The following USP31 variants were observed in gnomAD, a reference collection of about 807,000 sequenced individuals.
USP31 encodes ubiquitin carboxyl-terminal hydrolase 31.
Under a neutral mutation model 119.4 loss-of-function variants are expected in USP31, and 44 were observed. That is an observed-to-expected ratio of 0.37 (90% confidence interval 0.29 to 0.47). The LOEUF (loss-of-function observed/expected upper bound fraction) is 0.47, where lower values mean the gene tolerates loss of function less well. Ranked by LOEUF, USP31 falls within the 20% of genes least tolerant of loss-of-function variation. The pLI, the probability that USP31 is intolerant of heterozygous loss-of-function variation, is 0.99. For synonymous variants in USP31, 749 were observed against 705.6 expected (o/e 1.06, Z -0.97); for missense variants, 1,643 against 1,730.2 (o/e 0.95, Z 0.89).
Position 23,121,787 on chromosome 16 carries a change from A to AC in USP31, c.634-13605_634-13604insG, listed in dbSNP as rs1213145233. Among the ~76,000 whole-genome samples, 9 of 152,308 alleles carry AC rather than the reference A, an allele frequency of 5.9e-5. No individual in the cohort carries two copies. The South Asian group carries it at 1.2e-3, about 21-fold the overall frequency. On this transcript the variant is annotated intron_variant, in intron 1 of 15. Coordinates refer to ENST00000219689, the MANE Select transcript of USP31 (RefSeq NM_020718.4). ...CATTCTTAACAATGCTAGTGGTAAA[A>AC]TCCTTCTGTAAATAAGGTAATAATA...
intron 6 of USP31, among the ~76,000 whole-genome samples, chr16:23,100,115 G>C (rs1225375028): frequency 1.6e-4 from 25 of 152,152 alleles, no homozygotes; most frequent in Admixed American, 1.5e-3. Context: ...GGAAAAGTCT[G>C]TAAGTACCCC....
In USP31 at chr16:23,061,741, A is replaced by C. The variant is rs1899839500; in HGVS notation, c.*6305T>G. ...ACACAGAAATCACTATCCACGGTGC[A>C]TGAGTAATACCAAAGCACTTTGTGT... On this transcript the variant is annotated 3_prime_UTR_variant, in exon 16 of 16. Transcript: ENST00000219689. The C allele has an allele frequency of 6.6e-6, 1 of 152,538 alleles. No individual in the cohort carries two copies. Among genetic ancestry groups the C allele is most frequent in the African/African-American group, 2.4e-5 (1 of 41,468 alleles). The allele number at this position is 152,538 out of a possible 1,614,324, so 9.4% of individuals were successfully genotyped here.
intron 2 of USP31, among the ~76,000 whole-genome samples, chr16:23,107,099 C>A (rs1449831220): frequency 6.7e-6 from 1 of 149,650 alleles, no homozygotes; most frequent in Admixed American, 6.7e-5. Flanking sequence ...GCAACAAGAG[C>A]GAAAGTCCGT....
chr16:23,087,060 T>C, intron 9 of USP31, 32 bp downstream of exon 9: 2 of 1,536,448 alleles, frequency 1.3e-6, no homozygotes, highest in Non-Finnish European at 1.8e-6. Flanking sequence ...TGTGAGATTC[T>C]AAAAGGTAAT....
intron 15 of USP31, 53 bp from the exon 16 acceptor site, chr16:23,069,669 C>A: frequency 6.5e-7 from 1 of 1,542,788 alleles, no homozygotes; most frequent in Non-Finnish European, 8.8e-7. Context: ...GACATTCTAA[C>A]AACACTGTAA....
rs1480659284 is a variant in USP31, at chr16:23,068,154, G to A, written c.3951C>T (p.Asp1317=). The change falls in exon 16 of 16, where the codon GAC becomes GAT. Residue 1317 remains aspartate (D), a synonymous_variant. Transcript: ENST00000219689. ...CACCCGGAGACGAGGGAACTCCAGA[G>A]TCTAGTTGGGAAGACTTGGATTTGC... ...SARKSKSSQL[D]SGVPSSPGGR... 16 of 1,614,086 alleles carry A rather than the reference G, an allele frequency of 9.9e-6. No individual in the cohort carries two copies. In the African/African-American group the frequency reaches 1.7e-4, roughly 18 times the overall value.
chr16:23,106,170 C>T (rs1162985621), intron 4 of USP31, 43 bp downstream of exon 4: 1 of 1,609,308 alleles, frequency 6.2e-7, no homozygotes, highest in Admixed American at 1.7e-5. Flanking sequence ...CAAAGGGATA[C>T]CATAAGAAAA....
chr16:23,098,260 T>C (rs1346764834), intron 6 of USP31, among the ~76,000 whole-genome samples: 4 of 152,078 alleles, frequency 2.6e-5, no homozygotes, highest in African/African-American at 9.7e-5. Context: ...GGAATCCAAC[T>C]TACAAGGGAT....
At position 23,068,710 on chromosome 16, in the gene USP31, T is replaced by C; in HGVS notation, c.3395A>G (p.Lys1132Arg). Reference protein sequence around the residue: ...TYTASSTSAKKASGPATRSPF... With the variant: ...TYTASSTSAKRASGPATRSPF... ...GCTCCTTGTGGCAGGGCCCGAGGCC[T>C]TTTTGGCAGATGTGGAGGAAGCAGT... Residue 1132 changes from lysine (K) to arginine (R), a missense_variant, in exon 16 of 16, where the codon AAG becomes AGG. Physicochemically the swap from Lys to Arg is conservative, Grantham distance 26. This residue lies in a region of USP31 where 699 missense variants were observed against 650.9 expected (regional missense o/e 1.07). Transcript: ENST00000219689. 6.2e-7 allele frequency: 1 copy of C among 1,612,464 alleles called. No individual in the cohort carries two copies. The highest frequency in any genetic ancestry group is 8.5e-7 in the Non-Finnish European group (1 of 1,179,322).
At chr16:23,123,950 G>A (rs909931262) in intron 1 of USP31, among the ~76,000 whole-genome samples, 2 of 151,810 alleles carry the variant, frequency 1.3e-5, no homozygotes, top group African/African-American at 4.8e-5. Context: ...AGTGAGCCAT[G>A]ATCACACCAC....
chr16:23,107,063 G>T (rs1262285434), intron 2 of USP31, among the ~76,000 whole-genome samples: 1 of 151,138 alleles, frequency 6.6e-6, no homozygotes, highest in Admixed American at 6.6e-5. Flanking sequence ...GGTGAGCCGA[G>T]ACTGTGCCAC....
intron 8 of USP31, 76 bp downstream of exon 8, chr16:23,087,648 C>A: frequency 1.5e-6 from 2 of 1,363,840 alleles, no homozygotes; most frequent in South Asian, 1.3e-5. Context: ...ACAAGAAACT[C>A]AAATTTCATT....
At chr16:23,093,938 A>G (rs1284226862) in intron 6 of USP31, among the ~76,000 whole-genome samples, 4 of 152,236 alleles carry the variant, frequency 2.6e-5, no homozygotes, top group Admixed American at 6.5e-5. Context: ...TCGATGCAGA[A>G]GATGGGTGAT....
intron 1 of USP31, among the ~76,000 whole-genome samples, chr16:23,143,002 G>C (rs1903396187): frequency 6.6e-6 from 1 of 152,184 alleles, no homozygotes; most frequent in East Asian, 1.9e-4. Flanking sequence ...GCATGGAAAA[G>C]CAGGCTGGGA....
chr16:23,068,498 TG>T lies in USP31; in HGVS notation c.3606del (p.Ser1203AlafsTer13). On this transcript the variant is annotated frameshift_variant, in exon 16 of 16. Coordinates refer to ENST00000219689, the MANE Select transcript of USP31 (RefSeq NM_020718.4). LOFTEE classifies it high-confidence loss of function. ...ATGCTTGTGCTGGGGGAGCGCAGGC[TG>T]GCCATGGAGGAGCTCCGCACGTGCT... ...AGKHVRSSSM[A>X]SLRSPSTSIK... The T allele has an allele frequency of 6.2e-7, 1 of 1,613,470 alleles. No homozygotes were observed. Among genetic ancestry groups the T allele is most frequent in the Non-Finnish European group, 8.5e-7 (1 of 1,179,586 alleles).
In USP31 at chr16:23,066,595, G is replaced by A. The variant is rs1036941232; in HGVS notation, c.*1451C>T. ...TAAAAGCACATAAACTTAGCATGCT[G>A]TATTTACTGGCAAAGTGACAAATGC... On this transcript the variant is annotated 3_prime_UTR_variant, in exon 16 of 16. Transcript: ENST00000219689. The A allele has an allele frequency of 6.6e-6, 1 of 152,092 alleles. No individual in the cohort carries two copies. The highest frequency in any genetic ancestry group is 1.5e-5 in the Non-Finnish European group (1 of 68,034). 9.4% of individuals were successfully genotyped at this position (152,092 alleles called of 1,614,324 possible).
At chr16:23,112,498 C>T (rs767973972) in intron 1 of USP31, among the ~76,000 whole-genome samples, 7 of 151,976 alleles carry the variant, frequency 4.6e-5, no homozygotes, top group Non-Finnish European at 8.8e-5. Flanking sequence ...ATGCTTGAAC[C>T]CGGGAGGCAG....
chr16:23,068,060 G>C lies in USP31; in HGVS notation c.4045C>G (p.Gln1349Glu). ...SSMQTSARPS[Q>E]KPQ is the part of the protein sequence containing the mutation. ...TTGCAGAAATATCACTGAGGTTTTTGAGAAGGCCGTGCAGAGGTTTGCATG... is the reference window on the plus strand; with the variant it reads ...TTGCAGAAATATCACTGAGGTTTTTCAGAAGGCCGTGCAGAGGTTTGCATG... Residue 1349 changes from glutamine to glutamate, a missense_variant, in exon 16 of 16, where the codon CAA (glutamine) becomes GAA (glutamate). Physicochemically the swap from Gln to Glu is conservative, Grantham distance 29. Around this residue, in one of 5 missense-constraint regions of USP31, gnomAD observed 699 missense variants for 650.9 expected, o/e 1.07. Transcript: ENST00000219689. 1 of 1,607,780 alleles carries C rather than the reference G, an allele frequency of 6.2e-7. No individual in the cohort carries two copies.
chr16:23,105,383 A>G, intron 5 of USP31, 58 bp downstream of exon 5: 1 of 1,466,274 alleles, frequency 6.8e-7, no homozygotes, highest in Non-Finnish European at 9.1e-7. Context: ...AAATTCTAAG[A>G]GAACAGAAAG....
Sources: allele counts gnomAD v4.1 joint callset (sites outside exome capture counted in the v4.1 genomes callset), GRCh38; gene constraint gnomAD v4.1.1; regional missense constraint gnomAD v4.1.1; transcripts MANE v1.5; gene names NCBI Gene and HGNC (gene_info 2026-07-23, HGNC 2026-07-21).